The following SLC23A2 variants were observed in gnomAD, a reference collection of about 807,000 sequenced individuals.
SLC23A2 encodes solute carrier family 23 member 2.
In SLC23A2, 36 loss-of-function variants were observed where a neutral mutation model predicts 73.3. That is an observed-to-expected ratio of 0.49 (90% CI 0.38 to 0.65). SLC23A2 has a LOEUF of 0.65. Among genes scored for constraint, SLC23A2 ranks in the 30% least tolerant of loss-of-function variants. SLC23A2 has a pLI of 0.00. For synonymous variants in SLC23A2, 343 were observed against 327.3 expected, an observed-to-expected ratio of 1.05 and a Z score of -0.52; for missense variants, 507 against 841.6, an observed-to-expected ratio of 0.60 and a Z score of 4.92.
chr20:4,891,190 A>C (rs945393385), intron 6 of SLC23A2, among the ~76,000 whole-genome samples: 1 of 152,184 alleles, frequency 6.6e-6, no homozygotes, highest in Non-Finnish European at 1.5e-5. Context: ...GGCCATGAGG[A>C]GGAGGATGAG....
chr20:4,978,294 G>A (rs139871628), intron 1 of SLC23A2, among the ~76,000 whole-genome samples: 11 of 152,260 alleles, frequency 7.2e-5, no homozygotes, highest in East Asian at 1.9e-4. Flanking sequence ...GTGCCTTTGC[G>A]TGTGAACAAG....
In SLC23A2 at chr20:4,873,995, C is replaced by T. The variant is rs1568605051; in HGVS notation, c.1043G>A (p.Arg348His). The T allele has an allele frequency of 1.9e-6, 3 of 1,614,102 alleles. No individual in the cohort carries two copies. The highest frequency in any genetic ancestry group is 2.5e-6 in the Non-Finnish European group (3 of 1,180,006). The stretch of plus-strand genomic sequence containing the variant: ...AAGCACGCCTTGCCTGGCATCTGTG[C>T]GAGCATAGAAGCCATACTTTGTGCT... Reference protein sequence around the residue: ...PDSTKYGFYARTDARQGVLLV... With the variant: ...PDSTKYGFYAHTDARQGVLLV... Residue 348 changes from arginine to histidine, a missense_variant, in exon 11 of 17, where the codon CGC (arginine) becomes CAC (histidine). Physicochemically the swap from Arg to His is conservative, Grantham distance 29. Transcript: ENST00000338244.
chr20:4,942,509 C>A (rs569866949), intron 2 of SLC23A2, among the ~76,000 whole-genome samples: 1 of 152,276 alleles, frequency 6.6e-6, no homozygotes, highest in South Asian at 2.1e-4. Flanking sequence ...AACAAATCTT[C>A]CAATTCCCTA....
intron 15 of SLC23A2, among the ~76,000 whole-genome samples, chr20:4,861,166 C>T (rs145995517): frequency 1.7e-3 from 263 of 152,184 alleles, no homozygotes; most frequent in Middle Eastern, 0.01. Flanking sequence ...TAGAATAGAC[C>T]GTGAATCCAT....
At chr20:4,983,087 G>A (rs1033195747) in intron 1 of SLC23A2, among the ~76,000 whole-genome samples, 6 of 151,026 alleles carry the variant, frequency 4.0e-5, no homozygotes, top group Admixed American at 1.3e-4. Flanking sequence ...CCTGGGCAAC[G>A]AGAGTGAAAC....
At chr20:4,913,665 C>T (rs1409241509) in intron 3 of SLC23A2, among the ~76,000 whole-genome samples, 2 of 151,990 alleles carry the variant, frequency 1.3e-5, no homozygotes, top group South Asian at 2.1e-4. Context: ...CGCGCTCTGT[C>T]GCCCAGGCTG....
chr20:4,989,215 T>C (rs2087884050), intron 1 of SLC23A2, among the ~76,000 whole-genome samples: 2 of 138,856 alleles, frequency 1.4e-5, no homozygotes, highest in Non-Finnish European at 1.5e-5. Context: ...CCAGCCTGGG[T>C]GACAGAGCGA....
intron 2 of SLC23A2, among the ~76,000 whole-genome samples, chr20:4,954,933 C>T (rs941369459): frequency 6.6e-6 from 1 of 151,872 alleles, no homozygotes; most frequent in Admixed American, 6.6e-5. Flanking sequence ...AAGACTGTTC[C>T]GGAAGTTCTA....
At position 4,863,590 on chromosome 20, in the gene SLC23A2, G is replaced by A. The variant is rs1930072948; in HGVS notation, c.1357-683C>T. The stretch of plus-strand genomic sequence containing the variant: ...TGAGAGCCGCCCACATGGGCCTGCT[G>A]CCACTGGCCTTTCCTGCACCCATTC... On this transcript the variant is annotated intron_variant, in intron 13 of 16. Coordinates refer to ENST00000338244, the MANE Select transcript of SLC23A2 (RefSeq NM_005116.6). This position sits in a 1 kb window ranked among gnomAD's most constrained non-coding sequence, Gnocchi z 4.8. Among the ~76,000 whole-genome samples the A allele has an allele frequency of 1.3e-5, 2 of 152,204 alleles. No homozygotes were observed. The highest frequency in any genetic ancestry group is 2.1e-4 in the South Asian group (1 of 4,832).
intron 6 of SLC23A2, among the ~76,000 whole-genome samples, chr20:4,889,256 G>T (rs6052957): frequency 6.6e-6 from 1 of 152,080 alleles, no homozygotes; most frequent in African/African-American, 2.4e-5. Flanking sequence ...TGGGTATTCC[G>T]GGCAGAGAGA....
At chr20:4,984,613 T>C (rs549337561) in intron 1 of SLC23A2, among the ~76,000 whole-genome samples, 1 of 149,466 alleles carries the variant, frequency 6.7e-6, no homozygotes, top group Non-Finnish European at 1.5e-5. Context: ...AGAATTTGAA[T>C]AGACATCACT....
chr20:4,990,928 C>A (rs1283084527), intron 1 of SLC23A2, among the ~76,000 whole-genome samples: 2 of 143,402 alleles, frequency 1.4e-5, no homozygotes, highest in Non-Finnish European at 3.0e-5. Context: ...GCTGAGATCG[C>A]ACCACTGACG....
chr20:5,004,934 G>C (rs2088173993), upstream of SLC23A2, among the ~76,000 whole-genome samples: 1 of 151,932 alleles, frequency 6.6e-6, no homozygotes, highest in South Asian at 2.1e-4. Flanking sequence ...AGGAGGTGGA[G>C]GTTGCGGTGA....
chr20:5,006,607 C>T (rs773768804), intron 1 of SLC23A2, among the ~76,000 whole-genome samples: 2 of 150,254 alleles, frequency 1.3e-5, no homozygotes, highest in Non-Finnish European at 2.9e-5. Context: ...GCTCTGTTGG[C>T]CAGGCTGGAG....
intron 3 of SLC23A2, among the ~76,000 whole-genome samples, chr20:4,929,371 C>T (rs1163832628): frequency 2.0e-5 from 3 of 152,152 alleles, no homozygotes; most frequent in Admixed American, 6.5e-5. Flanking sequence ...CAGGCAGCCT[C>T]GGCTCCAGCA....
At chr20:4,942,907 A>G (rs530038687) in intron 2 of SLC23A2, among the ~76,000 whole-genome samples, 34 of 152,218 alleles carry the variant, frequency 2.2e-4, no homozygotes, top group African/African-American at 7.2e-4. Flanking sequence ...TAGTCTGCCC[A>G]AAGAGTAGAA....
intron 2 of SLC23A2, among the ~76,000 whole-genome samples, chr20:4,955,469 A>C (rs2087271854): frequency 2.0e-5 from 3 of 151,940 alleles, no homozygotes; most frequent in Admixed American, 1.3e-4. Context: ...ATACATGAGC[A>C]CTAACTCGTG....
intron 8 of SLC23A2, 112 bp downstream of exon 8, chr20:4,884,641 T>C: frequency 1.3e-6 from 1 of 754,968 alleles, no homozygotes; most frequent in Admixed American, 2.1e-5. Flanking sequence ...TATCAGTAAT[T>C]GAAAAAGAAA....
At chr20:4,878,300 C>A (rs1487719685) in intron 9 of SLC23A2, among the ~76,000 whole-genome samples, 1 of 152,106 alleles carries the variant, frequency 6.6e-6, no homozygotes, top group Non-Finnish European at 1.5e-5. Context: ...GATTCATGTG[C>A]CTCAGCTTCC....
Sources: gnomAD v4.1 joint callset for allele counts (sites outside exome capture counted in the v4.1 genomes callset) on GRCh38, gnomAD v4.1.1 for gene constraint, Gnocchi (gnomAD v3.1) non-coding constraint, MANE v1.5 for transcripts, NCBI Gene and HGNC (gene_info 2026-07-23, HGNC 2026-07-21) for gene names.